UTRN: variants seen among roughly 807,000 people sequenced by gnomAD.
UTRN encodes the protein dystrophin-related protein 1.
Under a neutral mutation model 463.9 loss-of-function variants are expected in UTRN, and 283 were observed. The observed-to-expected ratio is 0.61, with a 90% confidence interval of 0.55 to 0.67. The LOEUF (loss-of-function observed/expected upper bound fraction) is 0.67. Ranked by LOEUF, UTRN falls within the 30% of genes least tolerant of loss-of-function variation. The pLI is 0.00. For synonymous variants in UTRN, 1,442 were observed against 1,431.5 expected, an observed-to-expected ratio of 1.01 and a Z score of -0.17; for missense variants, 3,922 against 4,084.3, an observed-to-expected ratio of 0.96 and a Z score of 1.08.
intron 46 of UTRN, among the ~76,000 whole-genome samples, chr6:144,543,667 C>T (rs1186370430): frequency 6.6e-6 from 1 of 152,098 alleles, no homozygotes; most frequent in Non-Finnish European, 1.5e-5. Flanking sequence ...TCTACCTCTT[C>T]TCTCGTCCTC....
chr6:144,821,273 CTGGTCATCTCTTTTGT>C (rs1424170695), intron 66 of UTRN, among the ~76,000 whole-genome samples: 1 of 152,132 alleles, frequency 6.6e-6, no homozygotes, highest in Non-Finnish European at 1.5e-5. Context: ...TTAATACACA[CTGGTCATCTCTTTTGT>C]TGGTCATCTC....
chr6:144,476,455 A>G (rs150007369), intron 25 of UTRN, among the ~76,000 whole-genome samples: 2 of 152,280 alleles, frequency 1.3e-5, no homozygotes, highest in African/African-American at 4.8e-5. Context: ...GATGTGTGAT[A>G]GAAGAAAAAG....
chr6:144,451,340 A>G lies in UTRN; in HGVS notation c.2073-30A>G, dbSNP rs6903136. ...AAGTAAAACAGTAGAAGGAAACATG[A>G]CAAATGGTCACCTCTGAATCTTCAA... On this transcript the variant is annotated intron_variant, in intron 17 of 74. Coordinates refer to ENST00000367545, the MANE Select transcript of UTRN (RefSeq NM_007124.3). The G allele has an allele frequency of 9.5e-3, 15,087 of 1,595,848 alleles. 733 individuals are homozygous for G. In the African/African-American group the frequency reaches 0.13, roughly 14 times the overall value.
intron 43 of UTRN, among the ~76,000 whole-genome samples, chr6:144,534,812 C>G (rs1400275648): frequency 6.6e-6 from 1 of 152,190 alleles, no homozygotes; most frequent in East Asian, 1.9e-4. Context: ...TTAAGTGTCA[C>G]AGAGGAAGCA....
intron 51 of UTRN, among the ~76,000 whole-genome samples, chr6:144,591,219 T>C (rs1338579262): frequency 2.0e-5 from 3 of 152,164 alleles, no homozygotes; most frequent in Non-Finnish European, 4.4e-5. Context: ...CCCTGCAGAC[T>C]TTGACTCACT....
At chr6:144,423,958 GTTTTTGT>G (rs762515511) in intron 5 of UTRN, 21 bp from the exon 6 acceptor site, 10 of 1,605,692 alleles carry the variant, frequency 6.2e-6, no homozygotes, top group Non-Finnish European at 7.7e-6. Context: ...AAGCGTTTTT[GTTTTTGT>G]TTTTTGTTTT....
Position 144,473,802 on chromosome 6 carries a change from C to G in UTRN, c.3149C>G (p.Ala1050Gly), listed in dbSNP as rs1790911789. ...MKQQAAQGDDAGLQRQLDQCS... is the reference protein window; with the variant it reads ...MKQQAAQGDDGGLQRQLDQCS... Reference sequence around the variant, plus strand: ...CAGCAGGCTGCCCAAGGAGACGACGCAGGTCTACAGAGGCAGTTAGACCAG... The same window carrying G: ...CAGCAGGCTGCCCAAGGAGACGACGGAGGTCTACAGAGGCAGTTAGACCAG... Residue 1050 changes from alanine (A) to glycine (G), a missense_variant, in exon 24 of 75, where the codon GCA (alanine) becomes GGA (glycine). Physicochemically the swap from Ala to Gly is moderately conservative, Grantham distance 60. This residue lies in a region of UTRN where 2,349 missense variants were observed against 2,303.8 expected (regional missense o/e 1.02). Coordinates refer to ENST00000367545, the MANE Select transcript of UTRN (RefSeq NM_007124.3). 1 of 1,614,096 alleles carries G rather than the reference C, an allele frequency of 6.2e-7. No individual in the cohort carries two copies. Among genetic ancestry groups the G allele is most frequent in the African/African-American group, 1.3e-5 (1 of 75,042 alleles).
intron 19 of UTRN, among the ~76,000 whole-genome samples, chr6:144,454,962 C>A (rs1007833064): frequency 6.6e-6 from 1 of 152,110 alleles, no homozygotes; most frequent in African/African-American, 2.4e-5. Flanking sequence ...CTTCCTCCCT[C>A]CAGAAAACAA....
intron 49 of UTRN, 152 bp downstream of exon 49, chr6:144,555,045 G>A (rs977178380): frequency 1.9e-6 from 2 of 1,058,276 alleles, no homozygotes; most frequent in African/African-American, 1.6e-5. Context: ...ATTTGATCTG[G>A]AAGATTTTTT....
intron 51 of UTRN, among the ~76,000 whole-genome samples, chr6:144,639,437 T>G (rs923231229): frequency 6.6e-6 from 1 of 152,238 alleles, no homozygotes; most frequent in African/African-American, 2.4e-5. Context: ...AACAATCTAT[T>G]TGCTTTGTCT....
chr6:144,456,533 A>C (rs891886550), intron 19 of UTRN, among the ~76,000 whole-genome samples: 1 of 151,744 alleles, frequency 6.6e-6, no homozygotes, highest in Non-Finnish European at 1.5e-5. Context: ...CATGCCTGTA[A>C]TCTCAGTTAC....
At chr6:144,681,740 G>C (rs1404984010) in intron 52 of UTRN, among the ~76,000 whole-genome samples, 1 of 152,136 alleles carries the variant, frequency 6.6e-6, no homozygotes, top group East Asian at 1.9e-4. Context: ...TGATAGTATT[G>C]CAAGTTTATA....
At chr6:144,643,809 AT>A (rs1030955149) in intron 51 of UTRN, among the ~76,000 whole-genome samples, 2 of 144,892 alleles carry the variant, frequency 1.4e-5, no homozygotes, top group East Asian at 2.1e-4. Flanking sequence ...AAAAAAAAAA[AT>A]TTGTTAATTT....
intron 23 of UTRN, among the ~76,000 whole-genome samples, chr6:144,465,719 A>T (rs1474361235): frequency 6.6e-6 from 1 of 152,114 alleles, no homozygotes; most frequent in Admixed American, 6.5e-5. Flanking sequence ...ACACCCTCAA[A>T]TTATTAGATA....
At chr6:144,718,052 A>T (rs1027435312) in intron 53 of UTRN, among the ~76,000 whole-genome samples, 1 of 152,162 alleles carries the variant, frequency 6.6e-6, no homozygotes, top group East Asian at 1.9e-4. Flanking sequence ...GCATTGGTCA[A>T]CCAAAGCTCT....
intron 65 of UTRN, among the ~76,000 whole-genome samples, chr6:144,813,592 A>G (rs1778820127): frequency 6.6e-6 from 1 of 152,234 alleles, no homozygotes; most frequent in African/African-American, 2.4e-5. Context: ...CAGCAAAACT[A>G]AAACGTACAA....
chr6:144,294,014 T>C (rs150860636), intron 2 of UTRN, among the ~76,000 whole-genome samples: 678 of 152,224 alleles, frequency 4.5e-3, no homozygotes, highest in Non-Finnish European at 5.8e-3. Context: ...TTTAGTGAAG[T>C]ATACAATAAA....
At chr6:144,747,289 G>C (rs1790865911) in intron 54 of UTRN, among the ~76,000 whole-genome samples, 1 of 152,154 alleles carries the variant, frequency 6.6e-6, no homozygotes, top group Non-Finnish European at 1.5e-5. Context: ...TGGACAGTTG[G>C]ATACCACCAT....
chr6:144,362,947 C>T, intron 2 of UTRN, among the ~76,000 whole-genome samples: 1 of 151,998 alleles, frequency 6.6e-6, no homozygotes, highest in Non-Finnish European at 1.5e-5. Flanking sequence ...TTGTTAAGTG[C>T]TCAGTTTCTC....
Sources: gnomAD v4.1 joint callset for allele counts (sites outside exome capture counted in the v4.1 genomes callset) on GRCh38, gnomAD v4.1.1 for gene constraint, gnomAD v4.1.1 regional missense constraint, MANE v1.5 for transcripts, NCBI Gene and HGNC (gene_info 2026-07-23, HGNC 2026-07-21) for gene names.